C8orf34: variants seen among roughly 807,000 people sequenced by gnomAD.
C8orf34 encodes the protein uncharacterized protein C8orf34.
Under a neutral mutation model 68.3 loss-of-function variants are expected in C8orf34, and 65 were observed. The observed-to-expected ratio is 0.95, with a 90% CI of 0.78 to 1.17. The LOEUF is 1.17. C8orf34 is among the 50% of genes most tolerant of loss of function. The pLI is 0.00. For synonymous variants in C8orf34, 244 were observed against 241.2 expected, an observed-to-expected ratio of 1.01 and a Z score of -0.11; for missense variants, 664 against 655.4, an observed-to-expected ratio of 1.01 and a Z score of -0.14.
intron 7 of C8orf34, among the ~76,000 whole-genome samples, chr8:68,620,426 A>T (rs926618058): frequency 1.3e-5 from 2 of 152,114 alleles, no homozygotes; most frequent in African/African-American, 4.8e-5. Context: ...CATGCTGAGG[A>T]CAGGCCGGGT....
chr8:68,615,561 A>T (rs1410304666), intron 7 of C8orf34, among the ~76,000 whole-genome samples: 1 of 151,996 alleles, frequency 6.6e-6, no homozygotes, highest in South Asian at 2.1e-4. Flanking sequence ...GTGGTTTTTG[A>T]CTTTGGTTCT....
intron 8 of C8orf34, among the ~76,000 whole-genome samples, chr8:68,643,381 G>A (rs1268538653): frequency 6.6e-6 from 1 of 152,188 alleles, no homozygotes; most frequent in Non-Finnish European, 1.5e-5. Flanking sequence ...GGTGGGGAAT[G>A]TCTGGTTGTA....
chr8:68,504,248 T>C (rs75377065), intron 5 of C8orf34, among the ~76,000 whole-genome samples: 5,223 of 152,322 alleles, frequency 0.034, 301 homozygotes, highest in African/African-American at 0.12. Context: ...TTGTCTATGT[T>C]GTTGTGTCTC....
At chr8:68,351,029 T>A (rs549761821) in intron 1 of C8orf34, among the ~76,000 whole-genome samples, 24 of 151,862 alleles carry the variant, frequency 1.6e-4, no homozygotes, top group Non-Finnish European at 2.5e-4. Flanking sequence ...TATGTTGGCT[T>A]GTTTGTGTGG....
At chr8:68,541,798 A>G (rs1815711810) in intron 7 of C8orf34, among the ~76,000 whole-genome samples, 1 of 152,234 alleles carries the variant, frequency 6.6e-6, no homozygotes, top group African/African-American at 2.4e-5. Context: ...CTAATGTGTT[A>G]GAATGAATCT....
chr8:68,534,267 G>A (rs1815371567), intron 7 of C8orf34: 1 of 985,330 alleles, frequency 1.0e-6, no homozygotes, highest in Non-Finnish European at 1.2e-6. Flanking sequence ...ATTACATGCT[G>A]TTGGTCCCTT....
intron 1 of C8orf34, among the ~76,000 whole-genome samples, chr8:68,343,137 A>G (rs1010825532): frequency 2.0e-5 from 3 of 152,234 alleles, no homozygotes; most frequent in Admixed American, 6.5e-5. Flanking sequence ...AAATGCAATT[A>G]GAAAATGGGT....
At chr8:68,690,495 G>T (rs150661448) in intron 8 of C8orf34, among the ~76,000 whole-genome samples, 1 of 151,924 alleles carries the variant, frequency 6.6e-6, no homozygotes, top group African/African-American at 2.4e-5. Context: ...AAATCAAGGC[G>T]CCAGGAGATT....
At chr8:68,389,908 T>C (rs2129620571) in intron 1 of C8orf34, among the ~76,000 whole-genome samples, 1 of 152,290 alleles carries the variant, frequency 6.6e-6, no homozygotes, top group Non-Finnish European at 1.5e-5. Context: ...TACATAATCC[T>C]AACGATGACC....
At chr8:68,440,486 G>A (rs1810854641) in intron 2 of C8orf34, among the ~76,000 whole-genome samples, 1 of 152,146 alleles carries the variant, frequency 6.6e-6, no homozygotes, top group Admixed American at 6.5e-5. Context: ...GTAGAGAGTA[G>A]GGTGTCCTCT....
At position 68,420,162 on chromosome 8, in the gene C8orf34, C is replaced by A. The variant is rs1282871376; in HGVS notation, c.328-19337C>A. ...AGAGAATTAACCCTTTTTAAAGAGA[C>A]CACCGAGAGGCAAAGTGATGCTTTT... On this transcript the variant is annotated intron_variant, in intron 1 of 13. Coordinates refer to ENST00000518698, the MANE Select transcript of C8orf34 (RefSeq NM_052958.4). Among the ~76,000 whole-genome samples, 3 of 151,430 alleles carry A rather than the reference C, an allele frequency of 2.0e-5. No homozygotes were observed. The East Asian group carries it at 5.9e-4, about 30-fold the overall frequency.
chr8:68,753,421 G>A (rs149671629), intron 10 of C8orf34, among the ~76,000 whole-genome samples: 42 of 152,288 alleles, frequency 2.8e-4, no homozygotes, highest in Non-Finnish European at 5.6e-4. Flanking sequence ...TTATCTAAAT[G>A]CACTAAGATG....
At position 68,683,290 on chromosome 8, in the gene C8orf34, T is replaced by C. The variant is rs140830565; in HGVS notation, c.1242-25704T>C. On this transcript the variant is annotated intron_variant, in intron 8 of 13. Transcript: ENST00000518698. ...TAACAAAATTATGGCTTAGAATTCA[T>C]ATAAGACTATCAGTCTTGCTCACTG... 2.6e-4 allele frequency among the ~76,000 whole-genome samples: 40 copies of C among 151,914 alleles called. 1 individual carries two copies. Among genetic ancestry groups the C allele is most frequent in the African/African-American group, 9.4e-4 (39 of 41,446 alleles).
At chr8:68,571,208 G>A (rs1185686439) in intron 7 of C8orf34, among the ~76,000 whole-genome samples, 1 of 152,144 alleles carries the variant, frequency 6.6e-6, no homozygotes, top group Non-Finnish European at 1.5e-5. Context: ...GAAAGGGAAT[G>A]CTCTTTGCCT....
chr8:68,807,980 C>CTT (rs934881174), intron 12 of C8orf34, among the ~76,000 whole-genome samples: 1 of 149,694 alleles, frequency 6.7e-6, no homozygotes, highest in Admixed American at 6.7e-5. Context: ...TACAACTCCA[C>CTT]TTTTTTTTTT....
At chr8:68,545,958 T>G (rs1815863576) in intron 7 of C8orf34, among the ~76,000 whole-genome samples, 1 of 152,044 alleles carries the variant, frequency 6.6e-6, no homozygotes, top group Non-Finnish European at 1.5e-5. Flanking sequence ...TAAATGAAAT[T>G]ACAGTGCTAA....
intron 10 of C8orf34, among the ~76,000 whole-genome samples, chr8:68,764,664 G>T (rs535362313): frequency 1.1e-4 from 17 of 152,256 alleles, no homozygotes; most frequent in African/African-American, 4.1e-4. Flanking sequence ...AGGTTGAGGG[G>T]AAGGAGACAA....
At chr8:68,687,880 A>G (rs1027870179) in intron 8 of C8orf34, among the ~76,000 whole-genome samples, 6 of 152,188 alleles carry the variant, frequency 3.9e-5, no homozygotes, top group African/African-American at 1.2e-4. Flanking sequence ...AAGGACTAGT[A>G]TCCAGAATCT....
At chr8:68,630,866 A>T (rs1201468940) in intron 7 of C8orf34, among the ~76,000 whole-genome samples, 1 of 151,650 alleles carries the variant, frequency 6.6e-6, no homozygotes, top group Admixed American at 6.6e-5. Flanking sequence ...TGCAGCCTCA[A>T]CCTCATGGGC....
Sources: allele counts gnomAD v4.1 joint callset (sites outside exome capture counted in the v4.1 genomes callset), GRCh38; gene constraint gnomAD v4.1.1; transcripts MANE v1.5; gene names NCBI Gene and HGNC (gene_info 2026-07-23, HGNC 2026-07-21).